Variants in CDIN1 observed in about 807,000 individuals in gnomAD.
CDIN1 encodes the protein CDAN1-interacting nuclease 1.
CDIN1 carries 33 observed loss-of-function variants against 45.3 expected under a neutral mutation model. The ratio of observed to expected loss-of-function variants is 0.73; its 90% confidence interval spans 0.55 to 0.97. CDIN1 has a LOEUF of 0.97. Ranked by LOEUF, CDIN1 falls within the 50% of genes least tolerant of loss-of-function variation. The pLI is 0.00. For missense variants in CDIN1, 303 were observed against 339.4 expected, an observed-to-expected ratio of 0.89 and a Z score of 0.84; for synonymous variants, 118 against 124.4, an observed-to-expected ratio of 0.95 and a Z score of 0.34.
At chr15:36,611,075 G>A (rs954313520) in intron 1 of CDIN1, among the ~76,000 whole-genome samples, 1 of 152,196 alleles carries the variant, frequency 6.6e-6, no homozygotes, top group Non-Finnish European at 1.5e-5. Flanking sequence ...ATAACATTCT[G>A]TAGTAAGATC....
chr15:36,630,363 A>AT (rs1315841781), intron 1 of CDIN1, among the ~76,000 whole-genome samples: 2 of 152,236 alleles, frequency 1.3e-5, no homozygotes, highest in African/African-American at 4.8e-5. Flanking sequence ...AATTTAACAA[A>AT]TTTAACTCTT....
intron 10 of CDIN1, among the ~76,000 whole-genome samples, chr15:36,767,542 A>T (rs1777550469): frequency 6.6e-6 from 1 of 152,218 alleles, no homozygotes; most frequent in African/African-American, 2.4e-5. Flanking sequence ...TAAATGTATT[A>T]GTCACTGTGC....
chr15:36,714,912 G>A (rs369455879), intron 10 of CDIN1, among the ~76,000 whole-genome samples: 1 of 152,178 alleles, frequency 6.6e-6, no homozygotes, highest in Non-Finnish European at 1.5e-5. Flanking sequence ...ACTGGTTGAG[G>A]GAACAGGTGT....
At chr15:36,589,635 A>T (rs2037475962) in intron 1 of CDIN1, among the ~76,000 whole-genome samples, 1 of 151,958 alleles carries the variant, frequency 6.6e-6, no homozygotes, top group South Asian at 2.1e-4. Flanking sequence ...CCTCCCGAGT[A>T]GCTGGGACTA....
In CDIN1 at chr15:36,808,604, A is replaced by AT. The variant is rs1595632723; in HGVS notation, c.*152dup. The AT allele has an allele frequency of 1.9e-6, 2 of 1,041,788 alleles. No individual in the cohort carries two copies. The highest frequency in any genetic ancestry group is 3.2e-5 in the South Asian group (2 of 61,648). The allele number at this position is 1,041,788 out of a possible 1,614,324, so 64.5% of individuals were successfully genotyped here. ...CACACCACTACCTCTTTAGACAAAC[A>AT]TATCAAGAGTTTCTGTTTTCCTTCA... On this transcript the variant is annotated 3_prime_UTR_variant, in exon 11 of 11. Coordinates refer to ENST00000566621, the MANE Select transcript of CDIN1 (RefSeq NM_001321759.2).
At chr15:36,604,317 A>G (rs573659251) in intron 1 of CDIN1, among the ~76,000 whole-genome samples, 7 of 151,610 alleles carry the variant, frequency 4.6e-5, no homozygotes, top group African/African-American at 1.7e-4. Context: ...AATAAATTTA[A>G]GTGTAATTTA....
Position 36,725,360 on chromosome 15 carries a change from A to T in CDIN1, c.716+15399A>T, listed in dbSNP as rs540079076. Among the ~76,000 whole-genome samples, 252 of 141,818 alleles carry T rather than the reference A, an allele frequency of 1.8e-3. 1 individual carries two copies. Among genetic ancestry groups the T allele is most frequent in the Non-Finnish European group, 2.7e-3 (174 of 65,168 alleles). 93.0% of individuals were successfully genotyped at this position (141,818 alleles called of 152,430 possible). A position where few individuals can be genotyped will look rare whatever the true frequency, so the allele number is the denominator to read the frequency against. ...CAGTTACCATCAAGCTGAAACCCTT[A>T]CTTGGAACTATTAATGCTTTTAATT... On this transcript the variant is annotated intron_variant, in intron 10 of 10. Transcript: ENST00000566621.
rs561056002 is a variant in CDIN1, at chr15:36,618,470, C to T, written c.102-25808C>T. 6 of 1,117,130 alleles carry T rather than the reference C, an allele frequency of 5.4e-6. No individual in the cohort carries two copies. The East Asian group carries it at 1.2e-4, about 22-fold the overall frequency. 69.2% of individuals were successfully genotyped at this position (1,117,130 alleles called of 1,614,324 possible). A position where few individuals can be genotyped will look rare whatever the true frequency, so the allele number is the denominator to read the frequency against. On this transcript the variant is annotated intron_variant, in intron 1 of 10. Coordinates refer to ENST00000566621, the MANE Select transcript of CDIN1 (RefSeq NM_001321759.2). ...GACGACAAGATGTCAATCTCAAGAC[C>T]TCATCCTTCAACAGCTGAATCAAAG...
intron 5 of CDIN1, among the ~76,000 whole-genome samples, chr15:36,681,589 G>A (rs1242749139): frequency 1.3e-5 from 2 of 152,012 alleles, no homozygotes; most frequent in Non-Finnish European, 2.9e-5. Flanking sequence ...AATACAAATA[G>A]CCACATCTAG....
intron 3 of CDIN1, among the ~76,000 whole-genome samples, chr15:36,652,700 A>G (rs895077053): frequency 7.9e-5 from 12 of 152,164 alleles, no homozygotes; most frequent in Non-Finnish European, 1.8e-4. Context: ...GCTTTGTTAG[A>G]ATTATTTTGA....
intron 1 of CDIN1, among the ~76,000 whole-genome samples, chr15:36,586,328 G>C (rs1254131447): frequency 6.6e-6 from 1 of 151,212 alleles, no homozygotes; most frequent in Non-Finnish European, 1.5e-5. Flanking sequence ...ATTGATTTTA[G>C]CATCCATTGA....
intron 1 of CDIN1, among the ~76,000 whole-genome samples, chr15:36,590,862 G>A (rs1196247436): frequency 6.6e-6 from 1 of 152,124 alleles, no homozygotes; most frequent in African/African-American, 2.4e-5. Flanking sequence ...CTAAGCTTTG[G>A]GATGCCGGTG....
At chr15:36,734,699 TTTAGGACACTTCATTCAAAAACAAA>T (rs1240397656) in intron 10 of CDIN1, among the ~76,000 whole-genome samples, 1 of 152,194 alleles carries the variant, frequency 6.6e-6, no homozygotes, top group Non-Finnish European at 1.5e-5. Flanking sequence ...TTGTCTTTGT[TTTAGGACACTTCATTCAAAAACAAA>T]TCAATCTCAG....
chr15:36,602,463 G>A (rs1178327047), intron 1 of CDIN1, among the ~76,000 whole-genome samples: 2 of 152,154 alleles, frequency 1.3e-5, no homozygotes, highest in East Asian at 3.9e-4. Flanking sequence ...GCATTATTAA[G>A]TTTGAAAAAT....
At chr15:36,662,040 G>A (rs1296140758) in intron 5 of CDIN1, among the ~76,000 whole-genome samples, 1 of 152,098 alleles carries the variant, frequency 6.6e-6, no homozygotes, top group Non-Finnish European at 1.5e-5. Context: ...CTGAATATAA[G>A]GCAGATTAAA....
intron 1 of CDIN1, among the ~76,000 whole-genome samples, chr15:36,619,864 G>GTTGTCATGTT (rs1337976607): frequency 1.3e-5 from 2 of 151,922 alleles, no homozygotes; most frequent in Non-Finnish European, 2.9e-5. Context: ...AGCAAAATCT[G>GTTGTCATGTT]TTGTCATGTT....
In CDIN1 at chr15:36,637,845, A is replaced by C. The variant is rs539986737; in HGVS notation, c.102-6433A>C. Among the ~76,000 whole-genome samples, 3 of 152,338 alleles carry C rather than the reference A, an allele frequency of 2.0e-5. No individual in the cohort carries two copies. In the East Asian group the frequency reaches 5.8e-4, roughly 29 times the overall value. On this transcript the variant is annotated intron_variant, in intron 1 of 10. Coordinates refer to ENST00000566621, the MANE Select transcript of CDIN1 (RefSeq NM_001321759.2). ...AGAGTGCATGCTGTGTAATCTACTT[A>C]ATATGAAGTTTACAGACAGGCAAAA...
chr15:36,721,889 C>T (rs2043431823), intron 10 of CDIN1, among the ~76,000 whole-genome samples: 1 of 151,984 alleles, frequency 6.6e-6, no homozygotes, highest in South Asian at 2.1e-4. Flanking sequence ...TACAATTCCT[C>T]AACTCAGGGA....
At chr15:36,591,122 G>A (rs758887133) in intron 1 of CDIN1, among the ~76,000 whole-genome samples, 1 of 152,162 alleles carries the variant, frequency 6.6e-6, no homozygotes, top group Non-Finnish European at 1.5e-5. Context: ...AGCTGATGAC[G>A]TGGTTCTATA....
Sources: gnomAD v4.1 joint callset for allele counts (sites outside exome capture counted in the v4.1 genomes callset) on GRCh38, gnomAD v4.1.1 for gene constraint, MANE v1.5 for transcripts, NCBI Gene and HGNC (gene_info 2026-07-23, HGNC 2026-07-21) for gene names.